Variants in ZNF880 observed in about 807,000 individuals in gnomAD.
The protein encoded by ZNF880 is zinc finger protein 880.
In ZNF880, 12 loss-of-function variants were observed where a neutral mutation model predicts 11.8. The observed-to-expected ratio is 1.02, with a 90% confidence interval of 0.65 to 1.65. The LOEUF (loss-of-function observed/expected upper bound fraction) is 1.65. ZNF880 is among the 40% of genes most tolerant of loss of function. The pLI, the probability that ZNF880 is intolerant of heterozygous loss-of-function variation, is 0.00. For missense variants in ZNF880, 601 were observed against 673.9 expected (o/e 0.89, Z 1.20); for synonymous variants, 210 against 232.4 (o/e 0.90, Z 0.88).
At position 52,384,244 on chromosome 19, in the gene ZNF880, A is replaced by G; in HGVS notation, c.664A>G (p.Ser222Gly). The G allele has an allele frequency of 6.2e-7, 1 of 1,613,230 alleles. No individual in the cohort carries two copies. Among genetic ancestry groups the G allele is most frequent in the Non-Finnish European group, 8.5e-7 (1 of 1,179,426 alleles). ...YKCNECDKVF[S>G]NSSNLVQHQR... Reference sequence around the variant, plus strand: ...ATGTAATGAATGTGACAAGGTCTTCAGTAACAGTTCAAACCTTGTACAACA... The same window carrying G: ...ATGTAATGAATGTGACAAGGTCTTCGGTAACAGTTCAAACCTTGTACAACA... The change falls in exon 4 of 4, where the codon AGT becomes GGT. Residue 222 changes from serine to glycine, a missense_variant. Ser to Gly is a moderately conservative substitution (Grantham distance 56, BLOSUM62 0). This residue lies in a region of ZNF880 where 420 missense variants were observed against 442.6 expected (regional missense o/e 0.95). Coordinates refer to ENST00000422689, the MANE Select transcript of ZNF880 (RefSeq NM_001145434.2).
Position 52,384,841 on chromosome 19 carries a change from T to A in ZNF880, c.1261T>A (p.Ser421Thr), listed in dbSNP as rs1439599988. 4.6e-6 allele frequency: 6 copies of A among 1,290,402 alleles called. No individual in the cohort carries two copies. The highest frequency in any genetic ancestry group is 5.2e-6 in the Non-Finnish European group (5 of 965,552). 79.9% of individuals were successfully genotyped at this position (1,290,402 alleles called of 1,614,324 possible). A position where few individuals can be genotyped will look rare whatever the true frequency, so the allele number is the denominator to read the frequency against. ...ATGTGGCAAAGCATTTAGAGACTGT[T>A]CAGGCCTTACTGCCCATCTACTAAT... ...NECGKAFRDCSGLTAHLLIHT... is the reference protein window; with the variant it reads ...NECGKAFRDCTGLTAHLLIHT... Residue 421 changes from serine (S) to threonine (T), a missense_variant, in exon 4 of 4, where the codon TCA becomes ACA. Physicochemically the swap from Ser to Thr is moderately conservative, Grantham distance 58. This residue lies in a region of ZNF880 where 177 missense variants were observed against 214.5 expected (regional missense o/e 0.83). Coordinates refer to ENST00000422689, the MANE Select transcript of ZNF880 (RefSeq NM_001145434.2).
chr19:52,370,074 G>T, intron 1 of ZNF880, 97 bp downstream of exon 1: 3 of 1,450,808 alleles, frequency 2.1e-6, no homozygotes, highest in South Asian at 1.2e-5. Flanking sequence ...TGAAATCCCC[G>T]CATCGCTCCC....
chr19:52,384,397 T>C lies in ZNF880; in HGVS notation c.817T>C (p.Cys273Arg), dbSNP rs1385873953. 9 of 1,613,904 alleles carry C rather than the reference T, an allele frequency of 5.6e-6. No individual in the cohort carries two copies. In the East Asian group the frequency reaches 1.8e-4, roughly 32 times the overall value. Residue 273 changes from cysteine to arginine, a missense_variant, in exon 4 of 4, where the codon TGT becomes CGT. Cys to Arg is a radical substitution (Grantham distance 180). Transcript: ENST00000422689. ...TGEKPYKCHE[C>R]GKVFTQNSHL... ...AGAGAAACCTTACAAATGTCATGAG[T>C]GTGGCAAAGTCTTCACTCAAAATTC...
chr19:52,374,811 G>A (rs532045534), intron 3 of ZNF880: 114 of 452,296 alleles, frequency 2.5e-4, no homozygotes, highest in Admixed American at 4.0e-4. Flanking sequence ...ATCGTAGCCC[G>A]TGTACCCTCA....
chr19:52,386,122 C>CCGA (rs1986879288), downstream of ZNF880, among the ~76,000 whole-genome samples: 2 of 129,750 alleles, frequency 1.5e-5, 1 homozygote, highest in Non-Finnish European at 3.2e-5. Context: ...TTGCAGTGAG[C>CCGA]TATCACGCCA....
chr19:52,375,776 A>G (rs1986535191), intron 3 of ZNF880, among the ~76,000 whole-genome samples: 1 of 151,740 alleles, frequency 6.6e-6, no homozygotes, highest in South Asian at 2.1e-4. Flanking sequence ...GGCTCATATG[A>G]TCATCTTGCT....
chr19:52,376,126 G>A (rs1345924065), intron 3 of ZNF880, among the ~76,000 whole-genome samples: 4 of 152,118 alleles, frequency 2.6e-5, no homozygotes, highest in African/African-American at 4.8e-5. Flanking sequence ...TGCTATAAAC[G>A]TGTGTGGAAG....
At chr19:52,374,768 C>T (rs1986504471) in intron 3 of ZNF880, 3 of 551,284 alleles carry the variant, frequency 5.4e-6, no homozygotes, top group Non-Finnish European at 6.5e-6. Flanking sequence ...AGTTCTTGCT[C>T]TGTTGCCCAG....
chr19:52,368,039 A>G (rs1013612733), upstream of ZNF880, among the ~76,000 whole-genome samples: 22 of 149,414 alleles, frequency 1.5e-4, no homozygotes, highest in African/African-American at 4.5e-4. Context: ...TCTCTACTAA[A>G]AATACAAAAA....
chr19:52,382,082 T>G (rs1986721530), intron 3 of ZNF880, among the ~76,000 whole-genome samples: 1 of 152,084 alleles, frequency 6.6e-6, no homozygotes, highest in African/African-American at 2.4e-5. Context: ...GAGACCAGCC[T>G]GGCTGACATG....
the ZNF880 span, chr19:52,392,776 G>C: frequency 0.45 from 101,831 of 224,220 alleles, 23,581 homozygotes; most frequent in Middle Eastern, 0.63. Context: ...ATGGATCAAA[G>C]GTGTGAACAC....
upstream of ZNF880, among the ~76,000 whole-genome samples, chr19:52,368,045 A>C (rs759370379): frequency 4.1e-5 from 5 of 123,060 alleles, no homozygotes; most frequent in African/African-American, 6.3e-5. Flanking sequence ...CTAAAAATAC[A>C]AAAAAAAAAA....
chr19:52,394,439 T>C, the ZNF880 span, among the ~76,000 whole-genome samples: 1 of 151,222 alleles, frequency 6.6e-6, no homozygotes, highest in Admixed American at 6.6e-5. Flanking sequence ...TTCACCATGT[T>C]ACCCAGCCTG....
intron 1 of ZNF880, among the ~76,000 whole-genome samples, chr19:52,372,877 T>C (rs1420070076): frequency 7.9e-6 from 1 of 126,716 alleles, no homozygotes; most frequent in Non-Finnish European, 1.5e-5. Context: ...GCCACTGCAC[T>C]CCAGCTTGGG....
chr19:52,385,291 A>G lies in ZNF880; in HGVS notation c.1711A>G (p.Thr571Ala), dbSNP rs1190386515. 1.3e-6 allele frequency: 2 copies of G among 1,552,064 alleles called. No individual in the cohort carries two copies. The highest frequency in any genetic ancestry group is 2.7e-5 in the African/African-American group (2 of 73,196). The change falls in exon 4 of 4, where the codon ACT becomes GCT. Residue 571 changes from threonine (T) to alanine (A), a missense_variant. Physicochemically the swap from Thr to Ala is moderately conservative, Grantham distance 58. Coordinates refer to ENST00000422689, the MANE Select transcript of ZNF880 (RefSeq NM_001145434.2). ...SNLANHHRIH[T>A]GEKPYR ...CCTGGCAAATCATCACAGAATCCAT[A>G]CTGGAGAGAAACCGTACAGATGAAA...
the ZNF880 span, chr19:52,396,970 C>CG: frequency 6.6e-6 from 1 of 152,074 alleles, no homozygotes; most frequent in Non-Finnish European, 1.5e-5. Flanking sequence ...TAAGTTGGAC[C>CG]GGGCGTGGTG....
downstream of ZNF880, among the ~76,000 whole-genome samples, chr19:52,387,300 T>C (rs1179652763): frequency 6.9e-6 from 1 of 144,372 alleles, no homozygotes; most frequent in South Asian, 2.2e-4. Context: ...ACTTGAGTTA[T>C]TCTTTCTGTG....
the ZNF880 span, among the ~76,000 whole-genome samples, chr19:52,392,157 G>A: frequency 0.026 from 3,958 of 152,258 alleles, 69 homozygotes; most frequent in Non-Finnish European, 0.039. Flanking sequence ...TGTACCATTT[G>A]TTATAAAGGA....
chr19:52,384,197 A>G lies in ZNF880; in HGVS notation c.617A>G (p.His206Arg), dbSNP rs771832227. The G allele has an allele frequency of 7.4e-6, 12 of 1,611,874 alleles. No homozygotes were observed. In the South Asian group the frequency reaches 1.1e-4, roughly 15 times the overall value. Residue 206 changes from histidine to arginine, a missense_variant, in exon 4 of 4, where the codon CAC (histidine) becomes CGC (arginine). Physicochemically the swap from His to Arg is conservative, Grantham distance 29 (BLOSUM62 0). Transcript: ENST00000422689. ...SSRLANNQVI[H>R]TADNPYKCNE... is the part of the protein sequence containing the mutation. The stretch of plus-strand genomic sequence containing the variant: ...AGACTTGCTAACAATCAAGTAATCC[A>G]CACTGCAGATAACCCTTACAAATGT...
Sources: allele counts gnomAD v4.1 joint callset (sites outside exome capture counted in the v4.1 genomes callset), GRCh38; gene constraint gnomAD v4.1.1; regional missense constraint gnomAD v4.1.1; transcripts MANE v1.5; gene names NCBI Gene and HGNC (gene_info 2026-07-23, HGNC 2026-07-21).